FRYL: variants seen among roughly 807,000 people sequenced by gnomAD.
The protein encoded by FRYL is protein furry homolog-like.
FRYL carries 150 observed loss-of-function variants against 351.2 expected under a neutral mutation model. The observed-to-expected ratio is 0.43, with a 90% CI of 0.37 to 0.49. The LOEUF is 0.49. Ranked by LOEUF, FRYL falls within the 20% of genes least tolerant of loss-of-function variation. The probability of loss-of-function intolerance (pLI) is 0.00; values close to 1 mark genes in which losing one functional copy is unlikely to be tolerated. For missense variants in FRYL, 3,036 were observed against 3,619.3 expected, an observed-to-expected ratio of 0.84 and a Z score of 4.13; for synonymous variants, 1,153 against 1,257.1, an observed-to-expected ratio of 0.92 and a Z score of 1.75.
chr4:48,665,367 C>T (rs1332626352), intron 3 of FRYL, among the ~76,000 whole-genome samples: 1 of 152,142 alleles, frequency 6.6e-6, no homozygotes, highest in Non-Finnish European at 1.5e-5. Context: ...AAAACATCTG[C>T]TCTTTCCAAA....
At chr4:48,603,515 T>C in intron 11 of FRYL, 127 bp from the exon 12 acceptor site, 3 of 657,658 alleles carry the variant, frequency 4.6e-6, no homozygotes, top group Non-Finnish European at 8.0e-6. Flanking sequence ...ACTGAAGTAC[T>C]ACAATGTGCC....
Position 48,580,894 on chromosome 4 carries a change from T to C in FRYL, c.2230A>G (p.Ser744Gly), listed in dbSNP as rs1346818031. ...MDRLSPSILE[S>G]FIHLTGADQT... ...TCAGCCCCAGTGAGATGTATGAAGC[T>C]CTCAAGAATGGATGGGCTTAGCCTG... The change falls in exon 22 of 64, where the codon AGC becomes GGC. Residue 744 changes from serine (S) to glycine (G), a missense_variant. Ser to Gly is a moderately conservative substitution (Grantham distance 56). Around this residue, in one of 7 missense-constraint regions of FRYL, gnomAD observed 492 missense variants for 551.5 expected, o/e 0.89. Coordinates refer to ENST00000358350, the MANE Select transcript of FRYL (RefSeq NM_015030.2). The C allele has an allele frequency of 6.2e-7, 1 of 1,611,010 alleles. No homozygotes were observed. The highest frequency in any genetic ancestry group is 1.7e-5 in the Admixed American group (1 of 59,342).
chr4:48,667,889 C>A (rs1482538529), intron 3 of FRYL, among the ~76,000 whole-genome samples: 2 of 152,202 alleles, frequency 1.3e-5, no homozygotes, highest in African/African-American at 4.8e-5. Flanking sequence ...CTCAGGTGAT[C>A]CACCCACCCT....
intron 43 of FRYL, among the ~76,000 whole-genome samples, chr4:48,544,518 T>G (rs1191143732): frequency 6.6e-6 from 1 of 152,210 alleles, no homozygotes; most frequent in Non-Finnish European, 1.5e-5. Context: ...GTTTAATGTA[T>G]TTTTTCATAA....
intron 1 of FRYL, among the ~76,000 whole-genome samples, chr4:48,769,328 C>G (rs1253194245): frequency 6.6e-6 from 1 of 152,106 alleles, no homozygotes; most frequent in African/African-American, 2.4e-5. Flanking sequence ...CCATTTGCCC[C>G]TTAGGGAAAC....
At chr4:48,576,303 TC>T in intron 23 of FRYL, 81 bp from the exon 24 acceptor site, 21 of 1,068,480 alleles carry the variant, frequency 2.0e-5, no homozygotes, top group East Asian at 5.7e-5. Context: ...ATGCTAAATT[TC>T]TTTTTTTTTT....
At chr4:48,621,174 C>A (rs781642668) in intron 5 of FRYL, among the ~76,000 whole-genome samples, 6 of 152,148 alleles carry the variant, frequency 3.9e-5, no homozygotes, top group Non-Finnish European at 5.9e-5. Flanking sequence ...TAAAATATTG[C>A]CACTACATGG....
At chr4:48,610,640 AGTATATAT>A (rs1446574143) in intron 7 of FRYL, among the ~76,000 whole-genome samples, 1 of 147,200 alleles carries the variant, frequency 6.8e-6, no homozygotes, top group African/African-American at 2.5e-5. Flanking sequence ...ATGTATATAT[AGTATATAT>A]GTATATATTG....
intron 41 of FRYL, chr4:48,546,581 G>A (rs1731379010): frequency 3.5e-6 from 1 of 289,634 alleles, no homozygotes; most frequent in South Asian, 6.5e-5. Flanking sequence ...TGTCAACATC[G>A]CTTGTCAGTC....
chr4:48,641,535 A>G (rs775373459), intron 3 of FRYL, among the ~76,000 whole-genome samples: 8 of 152,142 alleles, frequency 5.3e-5, no homozygotes, highest in African/African-American at 1.2e-4. Flanking sequence ...CACACCCCAG[A>G]GGCTCTTAAG....
At chr4:48,729,552 C>T (rs1379212395) in intron 1 of FRYL, among the ~76,000 whole-genome samples, 1 of 152,182 alleles carries the variant, frequency 6.6e-6, no homozygotes. Context: ...AAGGATCAGG[C>T]AGCAATATTT....
Position 48,499,567 on chromosome 4 carries a change from A to G in FRYL, c.8897T>C (p.Ile2966Thr), listed in dbSNP as rs201323338. The G allele has an allele frequency of 1.5e-5, 25 of 1,614,044 alleles. No individual in the cohort carries two copies. Among genetic ancestry groups the G allele is most frequent in the African/African-American group, 1.1e-4 (8 of 74,936 alleles). The change falls in exon 64 of 64, where the codon ATA becomes ACA. Residue 2966 changes from isoleucine to threonine, a missense_variant. By Grantham distance (89) the Ile-to-Thr change is moderately conservative (BLOSUM62 -1). Coordinates refer to ENST00000358350, the MANE Select transcript of FRYL (RefSeq NM_015030.2). ...TLGQTGSFAVIGSNLDMSEAN... is the reference protein window; with the variant it reads ...TLGQTGSFAVTGSNLDMSEAN... ...TTCTGACATGTCCAGGTTAGAGCCT[A>G]TAACTGCAAAGCTTCCTGTCTGGCC...
At chr4:48,532,588 C>T (rs1297564648) in intron 49 of FRYL, among the ~76,000 whole-genome samples, 1 of 151,984 alleles carries the variant, frequency 6.6e-6, no homozygotes, top group Non-Finnish European at 1.5e-5. Context: ...ACCCAGGAGG[C>T]GGAGGTTGCA....
chr4:48,635,850 A>T (rs1433739204), intron 3 of FRYL, among the ~76,000 whole-genome samples: 1 of 152,150 alleles, frequency 6.6e-6, no homozygotes, highest in South Asian at 2.1e-4. Flanking sequence ...AGCAGAACAC[A>T]ATTACTTAAA....
chr4:48,706,622 A>C (rs1224430685), intron 2 of FRYL, among the ~76,000 whole-genome samples: 1 of 152,260 alleles, frequency 6.6e-6, no homozygotes, highest in Non-Finnish European at 1.5e-5. Context: ...TACACTTAAA[A>C]TAGTTAAAAT....
chr4:48,533,542 C>A (rs545136120), intron 49 of FRYL, among the ~76,000 whole-genome samples: 1 of 152,070 alleles, frequency 6.6e-6, no homozygotes, highest in Non-Finnish European at 1.5e-5. Context: ...TAAGTATTTC[C>A]CATTCTAAGT....
chr4:48,538,064 A>G (rs751282099), intron 47 of FRYL, among the ~76,000 whole-genome samples: 4 of 152,180 alleles, frequency 2.6e-5, no homozygotes, highest in East Asian at 1.9e-4. Flanking sequence ...TAAATTTTGT[A>G]TTACGATTAG....
rs972216355 is a variant in FRYL, at chr4:48,498,834, A to G, written c.*588T>C. 2.0e-5 allele frequency: 3 copies of G among 153,602 alleles called. No homozygotes were observed. Among genetic ancestry groups the G allele is most frequent in the African/African-American group, 7.2e-5 (3 of 41,454 alleles). The allele number at this position is 153,602 out of a possible 1,614,324, so 9.5% of individuals were successfully genotyped here. ...TCCATACATCCCAACTCACACACACATAATTCCTTATACAGACCAAAAAAC... is the reference window on the plus strand; with the variant it reads ...TCCATACATCCCAACTCACACACACGTAATTCCTTATACAGACCAAAAAAC... On this transcript the variant is annotated 3_prime_UTR_variant, in exon 64 of 64. Coordinates refer to ENST00000358350, the MANE Select transcript of FRYL (RefSeq NM_015030.2).
In FRYL at chr4:48,595,926, T is replaced by C. The variant is rs1300041776; in HGVS notation, c.1110A>G (p.Ile370Met). 3 of 1,601,906 alleles carry C rather than the reference T, an allele frequency of 1.9e-6. No individual in the cohort carries two copies. Among genetic ancestry groups the C allele is most frequent in the East Asian group, 4.5e-5 (2 of 44,622 alleles). The change falls in exon 14 of 64, where the codon ATA becomes ATG. Residue 370 changes from isoleucine to methionine, a missense_variant. By Grantham distance (10) the Ile-to-Met change is conservative (BLOSUM62 1). Coordinates refer to ENST00000358350, the MANE Select transcript of FRYL (RefSeq NM_015030.2). Reference sequence around the variant, plus strand: ...GAGTTACAGTGTTGCTTTCACATTTTATTCTAATTACATAAACCCACAATA... The same window carrying C: ...GAGTTACAGTGTTGCTTTCACATTTCATTCTAATTACATAAACCCACAATA... The part of the protein sequence containing the change: ...YRLLWVYVIR[I>M]KCESNTVTQS...
Sources: gnomAD v4.1 joint callset for allele counts (sites outside exome capture counted in the v4.1 genomes callset) on GRCh38, gnomAD v4.1.1 for gene constraint, gnomAD v4.1.1 regional missense constraint, MANE v1.5 for transcripts, NCBI Gene and HGNC (gene_info 2026-07-23, HGNC 2026-07-21) for gene names.